Variants in BCL2L13 observed in about 807,000 individuals in gnomAD.
BCL2L13 encodes bcl-2-like protein 13.
BCL2L13 carries 13 observed loss-of-function variants against 25.8 expected under a neutral mutation model. The ratio of observed to expected loss-of-function variants is 0.50; its 90% CI spans 0.33 to 0.80. BCL2L13 has a LOEUF of 0.80. Among genes scored for constraint, BCL2L13 ranks in the 30% least tolerant of loss-of-function variants. BCL2L13 has a pLI of 0.02. For missense variants in BCL2L13, 504 were observed against 574.9 expected, an observed-to-expected ratio of 0.88 and a Z score of 1.26; for synonymous variants, 244 against 230.3, an observed-to-expected ratio of 1.06 and a Z score of -0.54.
intron 6 of BCL2L13, among the ~76,000 whole-genome samples, chr22:17,709,047 A>G (rs1327563897): frequency 6.6e-6 from 1 of 151,598 alleles, no homozygotes; most frequent in Non-Finnish European, 1.5e-5. Flanking sequence ...CATCCTGACT[A>G]ACACGGTGAA....
chr22:17,644,295 G>A (rs1459194164), intron 1 of BCL2L13, among the ~76,000 whole-genome samples: 2 of 148,516 alleles, frequency 1.3e-5, no homozygotes, highest in Admixed American at 1.3e-4. Flanking sequence ...TGGGATTATA[G>A]TTGTGTTCAA....
intron 3 of BCL2L13, among the ~76,000 whole-genome samples, chr22:17,688,405 T>C (rs1027525943): frequency 2.6e-5 from 4 of 152,190 alleles, no homozygotes; most frequent in African/African-American, 9.7e-5. Flanking sequence ...GAATCTGATA[T>C]AAGTGCCAGT....
At chr22:17,653,175 CTG>C (rs1320520451) in intron 1 of BCL2L13, among the ~76,000 whole-genome samples, 3 of 152,144 alleles carry the variant, frequency 2.0e-5, no homozygotes, top group Admixed American at 2.0e-4. Flanking sequence ...GTAAGCCAAA[CTG>C]TCGTTAAGTC....
chr22:17,672,734 A>G (rs1342771814), intron 2 of BCL2L13, among the ~76,000 whole-genome samples: 1 of 152,200 alleles, frequency 6.6e-6, no homozygotes, highest in African/African-American at 2.4e-5. Context: ...ATGTGTAATC[A>G]GCATCACATT....
At chr22:17,653,325 A>G (rs1248397100) in intron 1 of BCL2L13, among the ~76,000 whole-genome samples, 3 of 152,098 alleles carry the variant, frequency 2.0e-5, no homozygotes, top group African/African-American at 4.8e-5. Flanking sequence ...GAGTTAACCA[A>G]TAGATCTTTG....
rs1251467715 is a variant in BCL2L13, at chr22:17,715,120, TTTTATATATATATATATATATA to T, written c.601-11555_601-11534del. Reference sequence around the variant, plus strand: ...AAGTTTCCAAAGACTTCAGTGTTAATTTTATATATATATATATATATATATATATATATATATATATATATAT... The same window carrying T: ...AAGTTTCCAAAGACTTCAGTGTTAATTATATATATATATATATATATATAT... On this transcript the variant is annotated intron_variant, in intron 6 of 6. Transcript: ENST00000317582. 1.5e-3 allele frequency among the ~76,000 whole-genome samples: 128 copies of T among 83,604 alleles called. 1 individual carries two copies. Among genetic ancestry groups the T allele is most frequent in the Non-Finnish European group, 2.3e-3 (100 of 43,008 alleles). 54.8% of individuals were successfully genotyped at this position (83,604 alleles called of 152,430 possible). A position where few individuals can be genotyped will look rare whatever the true frequency, so the allele number is the denominator to read the frequency against.
At chr22:17,715,813 A>C (rs1468090404) in intron 6 of BCL2L13, among the ~76,000 whole-genome samples, 1 of 152,200 alleles carries the variant, frequency 6.6e-6, no homozygotes, top group Non-Finnish European at 1.5e-5. Flanking sequence ...AATTGTTTTT[A>C]GCACCAGTGC....
intron 1 of BCL2L13, among the ~76,000 whole-genome samples, chr22:17,654,613 A>T (rs1424574647): frequency 1.3e-5 from 2 of 149,608 alleles, no homozygotes; most frequent in South Asian, 2.1e-4. Context: ...TTTAGTAGAG[A>T]CGGGGTTTCA....
intron 2 of BCL2L13, among the ~76,000 whole-genome samples, chr22:17,662,367 A>G (rs1256474213): frequency 2.0e-5 from 3 of 152,136 alleles, no homozygotes. Context: ...AGTCCCAGCT[A>G]CTTGAGAGGC....
chr22:17,695,347 G>A (rs903472691), intron 4 of BCL2L13, among the ~76,000 whole-genome samples: 2 of 152,074 alleles, frequency 1.3e-5, no homozygotes, highest in Non-Finnish European at 2.9e-5. Flanking sequence ...CTGAGCCTTC[G>A]TTTCTTGTAA....
chr22:17,707,432 C>T (rs1032824419), intron 6 of BCL2L13, among the ~76,000 whole-genome samples: 3 of 152,002 alleles, frequency 2.0e-5, no homozygotes, highest in South Asian at 2.1e-4. Flanking sequence ...TGGTTGATCC[C>T]GGCTAGTTTT....
intron 6 of BCL2L13, chr22:17,702,827 G>A (rs2060477754): frequency 6.6e-6 from 1 of 152,196 alleles, no homozygotes; most frequent in South Asian, 2.1e-4. Context: ...TGAAACTTGA[G>A]TTATAGCCTA....
chr22:17,683,782 T>C (rs1416272405), intron 3 of BCL2L13, among the ~76,000 whole-genome samples: 1 of 151,702 alleles, frequency 6.6e-6, no homozygotes, highest in East Asian at 1.9e-4. Context: ...ACTTTAAAAA[T>C]AGTTACTCTA....
intron 2 of BCL2L13, among the ~76,000 whole-genome samples, chr22:17,673,666 T>C (rs925435363): frequency 1.3e-5 from 2 of 152,000 alleles, no homozygotes; most frequent in African/African-American, 4.8e-5. Flanking sequence ...CATGAGCCAC[T>C]GCGCCCGGCC....
chr22:17,683,176 C>A, intron 2 of BCL2L13, 38 bp from the exon 3 acceptor site: 1 of 1,128,880 alleles, frequency 8.9e-7, no homozygotes, highest in Non-Finnish European at 1.3e-6. Flanking sequence ...TGGTTTCTCT[C>A]TCCCTCTTTC....
Position 17,726,722 on chromosome 22 carries a change from A to G in BCL2L13, c.646A>G (p.Ile216Val). 6.2e-7 allele frequency: 1 copy of G among 1,614,146 alleles called. No individual in the cohort carries two copies. Among genetic ancestry groups the G allele is most frequent in the Non-Finnish European group, 8.5e-7 (1 of 1,180,004 alleles). The part of the protein sequence containing the change: ...LESEEEEYPG[I>V]TAEDSNDIYI... The stretch of plus-strand genomic sequence containing the variant: ...GTCAGAGGAGGAGGAATACCCTGGA[A>G]TCACTGCAGAAGATAGCAATGACAT... The change falls in exon 7 of 7, where the codon ATC becomes GTC. Residue 216 changes from isoleucine to valine, a missense_variant. Ile to Val is a conservative substitution (Grantham distance 29). Transcript: ENST00000317582.
At chr22:17,630,272 A>G (rs2057981869) in intron 1 of BCL2L13, among the ~76,000 whole-genome samples, 1 of 149,244 alleles carries the variant, frequency 6.7e-6, no homozygotes, top group Admixed American at 6.7e-5. Context: ...CCATCAATGT[A>G]CTTTATAACC....
At chr22:17,706,249 A>G (rs563792492) in intron 6 of BCL2L13, among the ~76,000 whole-genome samples, 50 of 151,634 alleles carry the variant, frequency 3.3e-4, no homozygotes, top group South Asian at 1.5e-3. Context: ...GCCTCAAGCA[A>G]TCCTCCCCGC....
chr22:17,638,766 C>G lies in BCL2L13; in HGVS notation c.-171C>G. ...ACGCCGGGGTGACCTCACCCTCCAA[C>G]ATGGCGGCGGCGGTAGATTAGGGCC... On this transcript the variant is annotated 5_prime_UTR_variant, in exon 1 of 7. Transcript: ENST00000317582. 8.1e-7 allele frequency: 1 copy of G among 1,231,706 alleles called. No homozygotes were observed. The highest frequency in any genetic ancestry group is 1.0e-6 in the Non-Finnish European group (1 of 987,950). 76.3% of individuals were successfully genotyped at this position (1,231,706 alleles called of 1,614,324 possible). A position where few individuals can be genotyped will look rare whatever the true frequency, so the allele number is the denominator to read the frequency against.
Sources: allele counts gnomAD v4.1 joint callset (sites outside exome capture counted in the v4.1 genomes callset), GRCh38; gene constraint gnomAD v4.1.1; transcripts MANE v1.5; gene names NCBI Gene and HGNC (gene_info 2026-07-23, HGNC 2026-07-21).